EXOC6B: variants seen among roughly 807,000 people sequenced by gnomAD.
The protein encoded by EXOC6B is exocyst complex component 6B, also known as SEC15 homolog B.
EXOC6B carries 54 observed loss-of-function variants against 113.5 expected under a neutral mutation model. That is an observed-to-expected ratio of 0.48 (90% CI 0.38 to 0.60). The LOEUF is 0.60. Among genes scored for constraint, EXOC6B ranks in the 20% least tolerant of loss-of-function variants. The pLI, the probability that EXOC6B is intolerant of heterozygous loss-of-function variation, is 0.00. For synonymous variants in EXOC6B, 357 were observed against 339.0 expected (o/e 1.05, Z -0.58); for missense variants, 797 against 977.5 (o/e 0.82, Z 2.46).
intron 18 of EXOC6B, among the ~76,000 whole-genome samples, chr2:72,431,622 G>A (rs777596063): frequency 6.6e-6 from 1 of 151,906 alleles, no homozygotes; most frequent in Non-Finnish European, 1.5e-5. Flanking sequence ...AATTACAGGA[G>A]TGAGCCACCA....
At chr2:72,516,586 A>T (rs1458978956) in intron 8 of EXOC6B, among the ~76,000 whole-genome samples, 2 of 152,220 alleles carry the variant, frequency 1.3e-5, no homozygotes, top group African/African-American at 4.8e-5. Context: ...AAATAAGAGT[A>T]AAAATGAAAA....
chr2:72,246,000 T>C (rs1682630960), intron 20 of EXOC6B, among the ~76,000 whole-genome samples: 2 of 152,210 alleles, frequency 1.3e-5, no homozygotes, highest in Admixed American at 6.5e-5. Flanking sequence ...TGTGATTCTT[T>C]TAGTTCCTCA....
At chr2:72,224,168 G>A (rs72910353) in intron 20 of EXOC6B, among the ~76,000 whole-genome samples, 5,779 of 152,054 alleles carry the variant, frequency 0.038, 337 homozygotes, top group African/African-American at 0.13. Context: ...AGGGAAATAG[G>A]CAACAAAGCA....
chr2:72,545,453 T>G (rs979414412), intron 8 of EXOC6B, among the ~76,000 whole-genome samples: 1 of 152,188 alleles, frequency 6.6e-6, no homozygotes, highest in Non-Finnish European at 1.5e-5. Flanking sequence ...TATGGGTTAT[T>G]AAATAATTAC....
intron 20 of EXOC6B, among the ~76,000 whole-genome samples, chr2:72,210,026 T>A (rs1680088428): frequency 6.6e-6 from 1 of 152,194 alleles, no homozygotes; most frequent in African/African-American, 2.4e-5. Context: ...AAAAAAGAAT[T>A]ATAAATACTA....
At chr2:72,402,056 GC>G (rs1693374348) in intron 18 of EXOC6B, among the ~76,000 whole-genome samples, 1 of 151,650 alleles carries the variant, frequency 6.6e-6, no homozygotes, top group African/African-American at 2.4e-5. Flanking sequence ...CTTACTATTA[GC>G]AAAATTTTAA....
In EXOC6B at chr2:72,379,759, G is replaced by A; in HGVS notation, c.2092C>T (p.Gln698Ter). Reference sequence around the variant, plus strand: ...CATTCTCTGACGTCCAAGTTGAACTGCTGTAATGCTCCCAAGGTGAGCTGC... The same window carrying A: ...CATTCTCTGACGTCCAAGTTGAACTACTGTAATGCTCCCAAGGTGAGCTGC... ...VRQLTLGALQ[Q>*]FNLDVRECEQ... Residue 698 changes from glutamine (Q) to a stop codon, truncating the protein, a stop_gained, in exon 19 of 22, where the codon CAG becomes TAG. Transcript: ENST00000272427. LOFTEE classifies it high-confidence loss of function. 1 of 1,613,104 alleles carries A rather than the reference G, an allele frequency of 6.2e-7. No homozygotes were observed. The highest frequency in any genetic ancestry group is 8.5e-7 in the Non-Finnish European group (1 of 1,179,450).
intron 18 of EXOC6B, among the ~76,000 whole-genome samples, chr2:72,458,311 G>C (rs1171212953): frequency 6.6e-6 from 1 of 152,152 alleles, no homozygotes; most frequent in Non-Finnish European, 1.5e-5. Flanking sequence ...GCTCTGTTTT[G>C]TGACTAATAC....
intron 6 of EXOC6B, among the ~76,000 whole-genome samples, chr2:72,645,678 C>T (rs1057411499): frequency 6.6e-6 from 1 of 152,176 alleles, no homozygotes; most frequent in Admixed American, 6.5e-5. Flanking sequence ...GAACAACCTG[C>T]TCCTGAATGA....
intron 18 of EXOC6B, chr2:72,462,885 T>C (rs953774817): frequency 6.6e-6 from 1 of 152,124 alleles, no homozygotes; most frequent in Admixed American, 6.6e-5. Context: ...ATAAATGTTT[T>C]ATTGTTCTAC....
intron 18 of EXOC6B, among the ~76,000 whole-genome samples, chr2:72,380,357 T>C (rs937748337): frequency 9.8e-5 from 15 of 152,310 alleles, no homozygotes; most frequent in African/African-American, 3.4e-4. Context: ...AAAATAATTA[T>C]GGCCAGGAGC....
chr2:72,709,475 G>A (rs927846900), intron 6 of EXOC6B, among the ~76,000 whole-genome samples: 1 of 152,118 alleles, frequency 6.6e-6, no homozygotes, highest in Non-Finnish European at 1.5e-5. Context: ...CGTGGCAGGG[G>A]TCGAGGGTTG....
intron 1 of EXOC6B, among the ~76,000 whole-genome samples, chr2:72,794,773 T>C (rs1684853808): frequency 6.6e-6 from 1 of 151,638 alleles, no homozygotes; most frequent in Admixed American, 6.6e-5. Flanking sequence ...ATACATAAAA[T>C]AGGAAATAGA....
chr2:72,748,217 T>G (rs1365958608), intron 1 of EXOC6B, among the ~76,000 whole-genome samples: 3 of 152,060 alleles, frequency 2.0e-5, no homozygotes, highest in Non-Finnish European at 4.4e-5. Flanking sequence ...TTCCAGAGTT[T>G]ATTCTGGTCT....
chr2:72,543,913 G>A (rs572574243), intron 8 of EXOC6B, among the ~76,000 whole-genome samples: 9 of 152,068 alleles, frequency 5.9e-5, no homozygotes, highest in African/African-American at 1.9e-4. Flanking sequence ...AATATTTCAG[G>A]GCAAACTTTC....
At chr2:72,635,750 T>C (rs982294261) in intron 6 of EXOC6B, among the ~76,000 whole-genome samples, 9 of 152,148 alleles carry the variant, frequency 5.9e-5, no homozygotes, top group African/African-American at 1.2e-4. Context: ...AGTACTAAAA[T>C]AGAAAACTAC....
chr2:72,311,863 G>A (rs1307049416), intron 20 of EXOC6B, among the ~76,000 whole-genome samples: 1 of 152,204 alleles, frequency 6.6e-6, no homozygotes, highest in African/African-American at 2.4e-5. Context: ...CTGAGAAGGA[G>A]CAGGGGGATA....
chr2:72,471,509 T>G (rs917699797), intron 17 of EXOC6B, among the ~76,000 whole-genome samples: 20 of 152,204 alleles, frequency 1.3e-4, no homozygotes, highest in Non-Finnish European at 1.5e-4. Context: ...TGCCATTGCT[T>G]TTGGTGTTTT....
chr2:72,769,747 G>C (rs1290730186), intron 1 of EXOC6B, among the ~76,000 whole-genome samples: 1 of 152,200 alleles, frequency 6.6e-6, no homozygotes, highest in Non-Finnish European at 1.5e-5. Flanking sequence ...AGGAGGTGGA[G>C]GTTGCAGTGA....
Sources: allele counts gnomAD v4.1 joint callset (sites outside exome capture counted in the v4.1 genomes callset), GRCh38; gene constraint gnomAD v4.1.1; transcripts MANE v1.5; gene names NCBI Gene and HGNC (gene_info 2026-07-23, HGNC 2026-07-21).